ADAMTSL2: variants seen among roughly 807,000 people sequenced by gnomAD.
ADAMTSL2 encodes the protein ADAMTS-like protein 2.
In ADAMTSL2, 55 loss-of-function variants were observed where a neutral mutation model predicts 117.0. The observed-to-expected ratio is 0.47, with a 90% CI of 0.38 to 0.59. The LOEUF (loss-of-function observed/expected upper bound fraction) is 0.59, where lower values mean the gene tolerates loss of function less well. ADAMTSL2 is among the 20% of genes least tolerant of loss of function. The pLI, the probability that ADAMTSL2 is intolerant of heterozygous loss-of-function variation, is 0.00. For synonymous variants in ADAMTSL2, 572 were observed against 566.4 expected, an observed-to-expected ratio of 1.01 and a Z score of -0.14; for missense variants, 1,182 against 1,354.5, an observed-to-expected ratio of 0.87 and a Z score of 2.00.
chr9:133,544,407 C>T lies in ADAMTSL2; in HGVS notation c.683-63C>T, dbSNP rs11522325. The T allele has an allele frequency of 0.5, 677,292 of 1,367,108 alleles. 175,184 individuals are homozygous for T. Among genetic ancestry groups the T allele is most frequent in the Non-Finnish European group, 0.54 (513,298 of 954,876 alleles). The allele number at this position is 1,367,108 out of a possible 1,614,324, so 84.7% of individuals were successfully genotyped here. A position where few individuals can be genotyped will look rare whatever the true frequency, so the allele number is the denominator to read the frequency against. ...CACCCTCCAATAGCTGTGGAGTGGGCGAGTGCCACCCAAGGCTGCCTTTCC... is the reference window on the plus strand; with the variant it reads ...CACCCTCCAATAGCTGTGGAGTGGGTGAGTGCCACCCAAGGCTGCCTTTCC... On this transcript the variant is annotated intron_variant, in intron 7 of 18. Transcript: ENST00000651351.
At chr9:133,541,680 C>A (rs756540345) in intron 7 of ADAMTSL2, among the ~76,000 whole-genome samples, 1 of 152,218 alleles carries the variant, frequency 6.6e-6, no homozygotes, top group South Asian at 2.1e-4. Flanking sequence ...GATTCTGGGG[C>A]CTGAGTTTCA....
At chr9:133,548,869 T>C (rs1830418453) in intron 9 of ADAMTSL2, among the ~76,000 whole-genome samples, 1 of 152,206 alleles carries the variant, frequency 6.6e-6, no homozygotes, top group African/African-American at 2.4e-5. Context: ...GAGTCTGCCT[T>C]GGCAGGGGAA....
At chr9:133,536,449 C>A in intron 1 of ADAMTSL2, 114 bp from the exon 2 acceptor site, 2 of 1,422,262 alleles carry the variant, frequency 1.4e-6, no homozygotes, top group Non-Finnish European at 9.4e-7. Context: ...GTGGCACAGG[C>A]TTAGCACGCA....
At chr9:133,550,571 C>T (rs1025630482) in intron 9 of ADAMTSL2, among the ~76,000 whole-genome samples, 4 of 152,084 alleles carry the variant, frequency 2.6e-5, no homozygotes, top group African/African-American at 9.7e-5. Context: ...TATTTAGGAC[C>T]AGATTCAGCA....
At chr9:133,573,506 T>C (rs1315696784) in intron 17 of ADAMTSL2, among the ~76,000 whole-genome samples, 1 of 150,330 alleles carries the variant, frequency 6.7e-6, no homozygotes, top group Non-Finnish European at 1.5e-5. Flanking sequence ...GAGAATCAGA[T>C]CCTCCTGACG....
intron 9 of ADAMTSL2, among the ~76,000 whole-genome samples, chr9:133,551,876 C>T (rs1281034632): frequency 7.1e-6 from 1 of 141,614 alleles, no homozygotes; most frequent in Admixed American, 7.6e-5. Flanking sequence ...GTTGCCCAGG[C>T]TGGAGTGCAG....
In ADAMTSL2 at chr9:133,537,481, GGA is replaced by G; in HGVS notation, c.168_169del (p.Trp56CysfsTer83). ...TTCTGGTGGGGGGAGTGGACCAAGT[GGA>G]CGGCGTGTTCCCGCAGTTGCGGGGG... On this transcript the variant is annotated frameshift_variant, in exon 3 of 19. Coordinates refer to ENST00000651351, the MANE Select transcript of ADAMTSL2 (RefSeq NM_014694.4). LOFTEE classifies it high-confidence loss of function. 7.3e-7 allele frequency: 1 copy of G among 1,360,640 alleles called. No homozygotes were observed. The highest frequency in any genetic ancestry group is 9.5e-7 in the Non-Finnish European group (1 of 1,048,342). 84.3% of individuals were successfully genotyped at this position (1,360,640 alleles called of 1,614,324 possible).
upstream of ADAMTSL2, among the ~76,000 whole-genome samples, chr9:133,533,196 T>C (rs58051082): frequency 0.013 from 1,967 of 146,542 alleles, 43 homozygotes; most frequent in African/African-American, 0.046. Flanking sequence ...TGTGTGTGTG[T>C]GCTGGGTGAC....
At chr9:133,534,691 G>A, upstream of ADAMTSL2, 2 of 1,355,338 alleles carry the variant, frequency 1.5e-6, no homozygotes, top group Non-Finnish European at 1.9e-6. Flanking sequence ...GCGGCCGCCG[G>A]CGCAGAGCCG....
rs1259659615 is a variant in ADAMTSL2 at position 133,555,567 on chromosome 9, T to TCACG, written c.1287_1290dup (p.Gly431HisfsTer11). 1 of 1,612,920 alleles carries TCACG rather than the reference T, an allele frequency of 6.2e-7. No homozygotes were observed. The highest frequency in any genetic ancestry group is 8.5e-7 in the Non-Finnish European group (1 of 1,180,032). ...CCTGTCTCCTCTCCAGACCGCAACG[T>TCACG]CACGGGGACTCCTCTCACCGGGGAC... On this transcript the variant is annotated frameshift_variant, in exon 11 of 19. Coordinates refer to ENST00000651351, the MANE Select transcript of ADAMTSL2 (RefSeq NM_014694.4). LOFTEE classifies it high-confidence loss of function.
chr9:133,539,956 G>C, intron 5 of ADAMTSL2, 83 bp downstream of exon 5: 1 of 1,293,566 alleles, frequency 7.7e-7, no homozygotes, highest in Non-Finnish European at 1.1e-6. Flanking sequence ...GACCAAACTC[G>C]ACGGGTGGGC....
chr9:133,544,790 A>G (rs1830310106), intron 8 of ADAMTSL2, among the ~76,000 whole-genome samples: 1 of 152,090 alleles, frequency 6.6e-6, no homozygotes, highest in Non-Finnish European at 1.5e-5. Flanking sequence ...GCTGCTGGAC[A>G]ATGGGAGGGT....
Position 133,570,967 on chromosome 9 carries a change from C to G in ADAMTSL2, c.2592+460C>G, listed in dbSNP as rs1473409276. Reference sequence around the variant, plus strand: ...GACATGCACCCCCATGTCAGGACACCGGCGGGGCCAGAGGGAAGGGCAGTA... The same window carrying G: ...GACATGCACCCCCATGTCAGGACACGGGCGGGGCCAGAGGGAAGGGCAGTA... On this transcript the variant is annotated intron_variant, in intron 17 of 18. Transcript: ENST00000651351. Among the ~76,000 whole-genome samples, 7 of 152,182 alleles carry G rather than the reference C, an allele frequency of 4.6e-5. No homozygotes were observed. The East Asian group carries it at 1.3e-3, about 29-fold the overall frequency.
chr9:133,574,011 T>C, intron 18 of ADAMTSL2, 24 bp downstream of exon 18: 16 of 1,603,078 alleles, frequency 1.0e-5, no homozygotes, highest in Non-Finnish European at 1.4e-5. Context: ...AGGCCGAGGG[T>C]GGCTCTGGGA....
Position 133,540,692 on chromosome 9 carries a change from A to G in ADAMTSL2, c.507A>G (p.Thr169=), listed in dbSNP as rs202157773. The part of the protein sequence containing the change: ...RQLMVPARDG[T]SCKLTDLRGV... ...TCATGGTCCCCGCCCGCGACGGCAC[A>G]TCCTGCAAGCTCACTGACCTGCGAG... The change falls in exon 6 of 19, where the codon ACA becomes ACG. Residue 169 remains threonine, a synonymous_variant. Transcript: ENST00000651351. 4.3e-5 allele frequency: 69 copies of G among 1,613,858 alleles called. 1 individual carries two copies. The East Asian group carries it at 6.2e-4, about 15-fold the overall frequency.
At chr9:133,533,058 G>A (rs1009285731), upstream of ADAMTSL2, among the ~76,000 whole-genome samples, 1 of 152,216 alleles carries the variant, frequency 6.6e-6, no homozygotes, top group Non-Finnish European at 1.5e-5. Context: ...ACTGTGCCAA[G>A]GGGTGCGAGG....
chr9:133,537,116 C>A (rs146343918), intron 2 of ADAMTSL2, among the ~76,000 whole-genome samples: 1 of 152,144 alleles, frequency 6.6e-6, no homozygotes, highest in Non-Finnish European at 1.5e-5. Flanking sequence ...TGAGCTGCTC[C>A]GGGGAAAGTG....
chr9:133,552,518 A>G (rs1830511525), intron 9 of ADAMTSL2, among the ~76,000 whole-genome samples: 1 of 152,202 alleles, frequency 6.6e-6, no homozygotes, highest in Non-Finnish European at 1.5e-5. Flanking sequence ...CCCTGGGTCA[A>G]GACTGTAAAC....
rs772372827 is a variant in ADAMTSL2, at chr9:133,540,964, C to T, written c.645C>T (p.His215=). ...AGGGGGACGGTAGCAGCTGCACCCA[C>T]GTGACGGGCAACTATCGCAAGGGGA... ...ICQGDGSSCT[H]VTGNYRKGNA... is the part of the protein sequence containing the mutation. The change falls in exon 7 of 19, where the codon CAC becomes CAT. Residue 215 remains histidine, a synonymous_variant. Transcript: ENST00000651351. The T allele has an allele frequency of 4.1e-5, 66 of 1,613,334 alleles. No individual in the cohort carries two copies. The highest frequency in any genetic ancestry group is 2.5e-4 in the Admixed American group (15 of 60,002).
Sources: allele counts gnomAD v4.1 joint callset (sites outside exome capture counted in the v4.1 genomes callset), GRCh38; gene constraint gnomAD v4.1.1; transcripts MANE v1.5; gene names NCBI Gene and HGNC (gene_info 2026-07-23, HGNC 2026-07-21).